The following KIAA0825 variants were observed in gnomAD, a reference collection of about 807,000 sequenced individuals.
KIAA0825 encodes KIAA0825.
KIAA0825 carries 119 observed loss-of-function variants against 147.6 expected under a neutral mutation model. The ratio of observed to expected loss-of-function variants is 0.81; its 90% CI spans 0.69 to 0.94. The LOEUF is 0.94. Among genes scored for constraint, KIAA0825 ranks in the 40% least tolerant of loss-of-function variants. The probability of loss-of-function intolerance (pLI) is 0.00; values close to 1 mark genes in which losing one functional copy is unlikely to be tolerated. For missense variants in KIAA0825, 1,381 were observed against 1,472.7 expected, an observed-to-expected ratio of 0.94 and a Z score of 1.02; for synonymous variants, 470 against 518.1, an observed-to-expected ratio of 0.91 and a Z score of 1.26.
chr5:94,490,972 G>A (rs1319326828), intron 5 of KIAA0825, among the ~76,000 whole-genome samples: 1 of 152,148 alleles, frequency 6.6e-6, no homozygotes, highest in Non-Finnish European at 1.5e-5. Flanking sequence ...AATACAGGTA[G>A]TGGCTGCAAG....
chr5:94,433,819 T>C (rs1252303545), intron 14 of KIAA0825, among the ~76,000 whole-genome samples: 4 of 152,190 alleles, frequency 2.6e-5, no homozygotes, highest in African/African-American at 9.7e-5. Flanking sequence ...TTATCAGAAG[T>C]CAAGAAGTTT....
chr5:94,241,249 T>C (rs1268232843), intron 20 of KIAA0825, among the ~76,000 whole-genome samples: 1 of 152,220 alleles, frequency 6.6e-6, no homozygotes, highest in Non-Finnish European at 1.5e-5. Context: ...GCCTTCTGAT[T>C]TGGCACAAAA....
At chr5:94,156,269 C>T (rs1339715725) in intron 20 of KIAA0825, among the ~76,000 whole-genome samples, 2 of 152,112 alleles carry the variant, frequency 1.3e-5, no homozygotes, top group African/African-American at 4.8e-5. Context: ...GCTTAAAAAC[C>T]ATTTACAGCT....
At chr5:94,339,730 T>C (rs934601398) in intron 20 of KIAA0825, among the ~76,000 whole-genome samples, 9 of 152,188 alleles carry the variant, frequency 5.9e-5, no homozygotes, top group Middle Eastern at 6.3e-3. Flanking sequence ...TGGCCCACAT[T>C]TTTTGTGTCC....
intron 20 of KIAA0825, among the ~76,000 whole-genome samples, chr5:94,323,148 T>C (rs1392994338): frequency 1.3e-5 from 2 of 151,978 alleles, no homozygotes; most frequent in Non-Finnish European, 2.9e-5. Context: ...AGAGATACAC[T>C]CACACACATC....
chr5:94,421,571 G>A (rs1454769747), intron 14 of KIAA0825, among the ~76,000 whole-genome samples: 5 of 151,992 alleles, frequency 3.3e-5, no homozygotes, highest in East Asian at 1.9e-4. Flanking sequence ...TCTCTACCCC[G>A]TTTCCCCTTC....
intron 13 of KIAA0825, among the ~76,000 whole-genome samples, chr5:94,441,532 G>C (rs531708255): frequency 6.6e-6 from 1 of 152,224 alleles, no homozygotes; most frequent in African/African-American, 2.4e-5. Flanking sequence ...ATCTGGAGAT[G>C]GGGACTTTGA....
intron 20 of KIAA0825, among the ~76,000 whole-genome samples, chr5:94,181,718 A>G (rs995791103): frequency 1.3e-5 from 2 of 152,230 alleles, no homozygotes; most frequent in African/African-American, 2.4e-5. Flanking sequence ...AATAAACAGC[A>G]TATTCTAAAA....
At chr5:94,411,023 G>C (rs1348070346) in intron 15 of KIAA0825, among the ~76,000 whole-genome samples, 3 of 151,874 alleles carry the variant, frequency 2.0e-5, no homozygotes, top group Non-Finnish European at 4.4e-5. Flanking sequence ...TAAATTGTAG[G>C]GTTTATAATA....
rs1256213580 is a variant in KIAA0825 at position 94,396,097 on chromosome 5, T to G, written c.3296+4A>C. Reference sequence around the variant, plus strand: ...AATCCAATAAGAGAAAAACATCACTTTACCATTCAGTGCTCAGTTTCCTTG... The same window carrying G: ...AATCCAATAAGAGAAAAACATCACTGTACCATTCAGTGCTCAGTTTCCTTG... On this transcript the variant is annotated splice_donor_region_variant and intron_variant, in intron 17 of 20. Coordinates refer to ENST00000682413, the MANE Select transcript of KIAA0825 (RefSeq NM_001145678.3). The G allele has an allele frequency of 6.9e-7, 1 of 1,450,450 alleles. No individual in the cohort carries two copies. The highest frequency in any genetic ancestry group is 9.1e-7 in the Non-Finnish European group (1 of 1,101,256). The allele number at this position is 1,450,450 out of a possible 1,614,324, so 89.8% of individuals were successfully genotyped here.
intron 20 of KIAA0825, among the ~76,000 whole-genome samples, chr5:94,199,761 A>T (rs1771488509): frequency 1.3e-5 from 2 of 152,180 alleles, no homozygotes; most frequent in East Asian, 3.9e-4. Context: ...TGCTGCAGGC[A>T]AGTGCATGCT....
intron 20 of KIAA0825, among the ~76,000 whole-genome samples, chr5:94,346,520 A>G (rs1783008098): frequency 6.6e-6 from 1 of 152,116 alleles, no homozygotes; most frequent in Non-Finnish European, 1.5e-5. Flanking sequence ...AGAAGTAGGA[A>G]AAGAAGACCC....
At chr5:94,573,050 T>C (rs1780263977) in intron 2 of KIAA0825, among the ~76,000 whole-genome samples, 1 of 132,006 alleles carries the variant, frequency 7.6e-6, no homozygotes, top group South Asian at 2.2e-4. Context: ...TAGGGAGAAA[T>C]GAGACATCAA....
chr5:94,493,192 A>T (rs1230315309), intron 5 of KIAA0825, among the ~76,000 whole-genome samples: 1 of 152,194 alleles, frequency 6.6e-6, no homozygotes, highest in African/African-American at 2.4e-5. Context: ...AGAAGTTTCT[A>T]CTTCCCTTTG....
intron 16 of KIAA0825, among the ~76,000 whole-genome samples, chr5:94,399,120 A>C (rs1199919181): frequency 6.6e-6 from 1 of 152,178 alleles, no homozygotes; most frequent in Non-Finnish European, 1.5e-5. Flanking sequence ...AGCACCTGAT[A>C]AAAATAGTTG....
intron 6 of KIAA0825, among the ~76,000 whole-genome samples, chr5:94,479,650 G>T (rs540486947): frequency 2.7e-4 from 41 of 152,170 alleles, no homozygotes; most frequent in Non-Finnish European, 3.4e-4. Flanking sequence ...GTAAAACTAT[G>T]TTTAGCTTTG....
chr5:94,565,094 C>CTTTTTTTTTTTTTTTTTTTTTTTTTTT (rs1285299381), intron 2 of KIAA0825, among the ~76,000 whole-genome samples: 1 of 51,910 alleles, frequency 1.9e-5, no homozygotes, highest in Non-Finnish European at 4.0e-5. Flanking sequence ...TTCTTGCTTT[C>CTTTTTTTTTTTTTTTTTTTTTTTTTTT]CTTTTTTTTT....
At chr5:94,233,354 C>T (rs1487529265) in intron 20 of KIAA0825, among the ~76,000 whole-genome samples, 5 of 152,102 alleles carry the variant, frequency 3.3e-5, no homozygotes, top group Admixed American at 1.3e-4. Flanking sequence ...GGTTGATAAA[C>T]AGTAATAGAA....
chr5:94,169,907 C>A (rs920624422), intron 20 of KIAA0825, among the ~76,000 whole-genome samples: 1 of 151,986 alleles, frequency 6.6e-6, no homozygotes, highest in African/African-American at 2.4e-5. Flanking sequence ...TGCTACAGAC[C>A]AGGAATTACC....
Sources: allele counts gnomAD v4.1 joint callset (sites outside exome capture counted in the v4.1 genomes callset), GRCh38; gene constraint gnomAD v4.1.1; transcripts MANE v1.5; gene names NCBI Gene and HGNC (gene_info 2026-07-23, HGNC 2026-07-21).